The following ZNF410 variants were observed in gnomAD, a reference collection of about 807,000 sequenced individuals.
ZNF410 encodes the protein zinc finger protein 410, also known as another partner for ARF 1.
ZNF410 carries 18 observed loss-of-function variants against 54.8 expected under a neutral mutation model. The ratio of observed to expected loss-of-function variants is 0.33; its 90% confidence interval spans 0.23 to 0.49. The LOEUF (loss-of-function observed/expected upper bound fraction) is 0.49, where lower values mean the gene tolerates loss of function less well. Among genes scored for constraint, ZNF410 ranks in the 20% least tolerant of loss-of-function variants. The pLI is 0.99. For synonymous variants in ZNF410, 191 were observed against 207.3 expected, an observed-to-expected ratio of 0.92 and a Z score of 0.68; for missense variants, 405 against 569.6, an observed-to-expected ratio of 0.71 and a Z score of 2.94.
At chr14:73,910,892 A>T (rs2055567384) in intron 8 of ZNF410, among the ~76,000 whole-genome samples, 2 of 147,264 alleles carry the variant, frequency 1.4e-5, no homozygotes, top group African/African-American at 2.5e-5. Flanking sequence ...GGTAGTGAAG[A>T]TAAGGAGGGA....
intron 8 of ZNF410, among the ~76,000 whole-genome samples, chr14:73,917,548 C>T (rs1049881213): frequency 1.3e-5 from 2 of 152,166 alleles, no homozygotes; most frequent in Non-Finnish European, 2.9e-5. Flanking sequence ...TCCGGCCGGG[C>T]ATGGTGACTC....
intron 8 of ZNF410, among the ~76,000 whole-genome samples, chr14:73,919,414 C>T (rs1313974260): frequency 1.3e-5 from 2 of 151,990 alleles, no homozygotes; most frequent in African/African-American, 4.8e-5. Flanking sequence ...GAACATAGTA[C>T]CTGATAGGTA....
chr14:73,900,535 A>G (rs919911259), intron 5 of ZNF410, among the ~76,000 whole-genome samples: 1 of 151,806 alleles, frequency 6.6e-6, no homozygotes, highest in Non-Finnish European at 1.5e-5. Context: ...CACCATGCCC[A>G]GCTAATTTTT....
chr14:73,912,449 G>A (rs997486236), intron 8 of ZNF410, among the ~76,000 whole-genome samples: 11 of 152,276 alleles, frequency 7.2e-5, no homozygotes, highest in African/African-American at 1.7e-4. Context: ...TTACAGGCAC[G>A]TGCCACCACA....
chr14:73,919,163 G>A (rs372535809), intron 8 of ZNF410, among the ~76,000 whole-genome samples: 3 of 150,732 alleles, frequency 2.0e-5, no homozygotes, highest in South Asian at 2.1e-4. Flanking sequence ...CCGCCACCAC[G>A]CCTAGCTAAT....
chr14:73,904,015 TCCTC>T lies in ZNF410; in HGVS notation c.637_640del (p.Pro213LysfsTer53). 6.2e-7 allele frequency: 1 copy of T among 1,614,198 alleles called. No homozygotes were observed. The highest frequency in any genetic ancestry group is 8.5e-7 in the Non-Finnish European group (1 of 1,180,032). ...GGCAGTCAAAAGATTCTGGGCCCCT[TCCTC>T]AAGTGGAAAAGAAGCTCAAGTGTAC... On this transcript the variant is annotated frameshift_variant, in exon 6 of 12. Transcript: ENST00000555044. LOFTEE classifies it high-confidence loss of function.
Position 73,931,503 on chromosome 14 carries a change from T to C in ZNF410, c.1399T>C (p.Leu467=), listed in dbSNP as rs1293772409. The C allele has an allele frequency of 2.5e-6, 4 of 1,606,602 alleles. No individual in the cohort carries two copies. The highest frequency in any genetic ancestry group is 2.5e-6 in the Non-Finnish European group (3 of 1,178,194). Residue 467 remains leucine, a splice_region_variant and synonymous_variant, in exon 12 of 12, where the codon TTA becomes CTA. Coordinates refer to ENST00000555044, the MANE Select transcript of ZNF410 (RefSeq NM_021188.3). The part of the protein sequence containing the change: ...SVLTAVNPQE[L]LNQGDLTERR... The stretch of plus-strand genomic sequence containing the variant: ...TAGATTTGCTTTCAATCTTTTACAG[T>C]TACTAAACCAAGGAGATTTAACTGA...
At chr14:73,918,686 C>CT (rs71115932) in intron 8 of ZNF410, among the ~76,000 whole-genome samples, 1,265 of 74,636 alleles carry the variant, frequency 0.017, 162 homozygotes, top group African/African-American at 0.047. Flanking sequence ...TTCATATGGC[C>CT]TTTTTTTTTT....
At chr14:73,892,235 T>G (rs918746554) in intron 2 of ZNF410, 27 bp downstream of exon 2, 6 of 1,610,490 alleles carry the variant, frequency 3.7e-6, no homozygotes, top group Admixed American at 3.4e-5. Flanking sequence ...TGTTTCCTTT[T>G]CTTTTGGTGG....
At chr14:73,925,710 G>C (rs973990436) in intron 11 of ZNF410, among the ~76,000 whole-genome samples, 1 of 152,154 alleles carries the variant, frequency 6.6e-6, no homozygotes, top group Non-Finnish European at 1.5e-5. Flanking sequence ...TTACAGGTGT[G>C]AGCTGCCGCA....
chr14:73,909,175 C>T (rs2055537561), intron 7 of ZNF410, among the ~76,000 whole-genome samples, 166 bp from the exon 8 acceptor site: 1 of 152,134 alleles, frequency 6.6e-6, no homozygotes, highest in Non-Finnish European at 1.5e-5. Flanking sequence ...ACTAAAAGAT[C>T]ATTGAGAGGC....
chr14:73,895,711 T>A (rs960717802), intron 3 of ZNF410, among the ~76,000 whole-genome samples: 1 of 152,154 alleles, frequency 6.6e-6, no homozygotes, highest in Non-Finnish European at 1.5e-5. Flanking sequence ...ATGCCTATAA[T>A]CCCAGCACTT....
intron 8 of ZNF410, among the ~76,000 whole-genome samples, chr14:73,919,479 C>T (rs1393001609): frequency 6.6e-6 from 1 of 152,066 alleles, no homozygotes; most frequent in East Asian, 1.9e-4. Flanking sequence ...TTTATTGTTC[C>T]CATCTTTGTG....
chr14:73,922,107 G>A lies in ZNF410; in HGVS notation c.1171G>A (p.Val391Ile), dbSNP rs372664039. Reference sequence around the variant, plus strand: ...CAGTAGTTTGCTTGAAGAGGCTTCAGTACCCAGTAAAAACCTGGTGTCTAT... The same window carrying A: ...CAGTAGTTTGCTTGAAGAGGCTTCAATACCCAGTAAAAACCTGGTGTCTAT... Reference protein sequence around the residue: ...MGSSLLEEASVPSKNLVSMNS... With the variant: ...MGSSLLEEASIPSKNLVSMNS... Residue 391 changes from valine to isoleucine, a missense_variant, in exon 10 of 12, where the codon GTA becomes ATA. Val to Ile is a conservative substitution (Grantham distance 29). This residue lies in a region of ZNF410 where 127 missense variants were observed against 141.3 expected (regional missense o/e 0.90). Transcript: ENST00000555044. 2.0e-4 allele frequency: 318 copies of A among 1,614,140 alleles called. No homozygotes were observed. The Middle Eastern group carries it at 3.3e-3, about 17-fold the overall frequency.
intron 8 of ZNF410, among the ~76,000 whole-genome samples, chr14:73,910,746 T>TC (rs2055563041): frequency 1.2e-5 from 1 of 85,050 alleles, no homozygotes; most frequent in Non-Finnish European, 2.1e-5. Context: ...AGAGCGAAAC[T>TC]CCGTCTCAAA....
rs1429197332 is a variant in ZNF410, at chr14:73,931,619, A to C, written c.*78A>C. Reference sequence around the variant, plus strand: ...TACTGGGAACAGGATGCCTTAGCCCACAACAGAACCAGAATGAATCTTTGA... The same window carrying C: ...TACTGGGAACAGGATGCCTTAGCCCCCAACAGAACCAGAATGAATCTTTGA... On this transcript the variant is annotated 3_prime_UTR_variant, in exon 12 of 12. Coordinates refer to ENST00000555044, the MANE Select transcript of ZNF410 (RefSeq NM_021188.3). 1.2e-5 allele frequency: 16 copies of C among 1,326,436 alleles called. No homozygotes were observed. The East Asian group carries it at 3.5e-4, about 29-fold the overall frequency. The allele number at this position is 1,326,436 out of a possible 1,614,324, so 82.2% of individuals were successfully genotyped here.
chr14:73,898,268 G>GC lies in ZNF410; in HGVS notation c.580+9dup. On this transcript the variant is annotated splice_region_variant and intron_variant, in intron 5 of 11. Coordinates refer to ENST00000555044, the MANE Select transcript of ZNF410 (RefSeq NM_021188.3). ...TGCAAAAACCAGCAGCAATGGTGAG[G>GC]CCCGTCGGCATTTTCCTTGCCACTA... The GC allele has an allele frequency of 6.2e-7, 1 of 1,613,978 alleles. No homozygotes were observed. The highest frequency in any genetic ancestry group is 8.5e-7 in the Non-Finnish European group (1 of 1,179,920).
intron 3 of ZNF410, among the ~76,000 whole-genome samples, chr14:73,895,069 G>C (rs1390142466): frequency 1.3e-5 from 2 of 152,154 alleles, no homozygotes; most frequent in Non-Finnish European, 2.9e-5. Flanking sequence ...AAGATCACTT[G>C]AGCCCAGGAG....
At chr14:73,892,251 A>G in intron 2 of ZNF410, 43 bp downstream of exon 2, 1 of 1,605,330 alleles carries the variant, frequency 6.2e-7, no homozygotes, top group South Asian at 1.1e-5. Context: ...GGTGGGCTAT[A>G]TTTCAAAGTT....
Sources: gnomAD v4.1 joint callset for allele counts (sites outside exome capture counted in the v4.1 genomes callset) on GRCh38, gnomAD v4.1.1 for gene constraint, gnomAD v4.1.1 regional missense constraint, MANE v1.5 for transcripts, NCBI Gene and HGNC (gene_info 2026-07-23, HGNC 2026-07-21) for gene names.